LDLRAD4: variants seen among roughly 807,000 people sequenced by gnomAD.
LDLRAD4 encodes low density lipoprotein receptor class A domain containing 4.
LDLRAD4 carries 5 observed loss-of-function variants against 17.0 expected under a neutral mutation model. The observed-to-expected ratio is 0.29, with a 90% CI of 0.15 to 0.62. The LOEUF (loss-of-function observed/expected upper bound fraction) is 0.62. Among genes scored for constraint, LDLRAD4 ranks in the 20% least tolerant of loss-of-function variants. The probability of loss-of-function intolerance (pLI) is 0.84; values close to 1 mark genes in which losing one functional copy is unlikely to be tolerated. For synonymous variants in LDLRAD4, 168 were observed against 171.8 expected (o/e 0.98, Z 0.17); for missense variants, 340 against 424.7 (o/e 0.80, Z 1.75).
intron 3 of LDLRAD4, among the ~76,000 whole-genome samples, chr18:13,451,630 A>C (rs61287701): frequency 2.6e-5 from 4 of 152,034 alleles, no homozygotes; most frequent in Non-Finnish European, 5.9e-5. Context: ...ATAAACAATC[A>C]AAATGTGCAT....
chr18:13,359,489 C>A (rs188803595), intron 1 of LDLRAD4, among the ~76,000 whole-genome samples: 37 of 152,106 alleles, frequency 2.4e-4, no homozygotes, highest in African/African-American at 8.0e-4. Flanking sequence ...TACTTCCGTG[C>A]CTTTACCATT....
chr18:13,551,165 A>T (rs568238024), intron 3 of LDLRAD4, among the ~76,000 whole-genome samples: 1 of 152,280 alleles, frequency 6.6e-6, no homozygotes, highest in Admixed American at 6.5e-5. Flanking sequence ...GGCCACGAGC[A>T]AAATAGTGTC....
intron 4 of LDLRAD4, among the ~76,000 whole-genome samples, chr18:13,642,937 T>G (rs987054183): frequency 2.1e-5 from 3 of 143,230 alleles, no homozygotes. Context: ...TGTTTTTTTT[T>G]TTTCTTCTGT....
intron 1 of LDLRAD4, among the ~76,000 whole-genome samples, chr18:13,264,882 A>T (rs1436720640): frequency 6.6e-6 from 1 of 152,204 alleles, no homozygotes; most frequent in African/African-American, 2.4e-5. Context: ...AACCTGGAGG[A>T]TTCGCAACTG....
intron 1 of LDLRAD4, among the ~76,000 whole-genome samples, chr18:13,376,683 C>G (rs996134813): frequency 6.6e-5 from 10 of 152,176 alleles, no homozygotes; most frequent in African/African-American, 2.4e-4. Flanking sequence ...GAAGACTGCT[C>G]TATCACACGC....
chr18:13,418,364 G>A (rs1003678563), intron 2 of LDLRAD4, among the ~76,000 whole-genome samples: 6 of 152,202 alleles, frequency 3.9e-5, no homozygotes, highest in Non-Finnish European at 7.4e-5. Context: ...GATCTGCCTC[G>A]CCCCTGAGAC....
chr18:13,222,816 A>T (rs185976112), intron 1 of LDLRAD4, among the ~76,000 whole-genome samples: 106 of 152,318 alleles, frequency 7.0e-4, no homozygotes, highest in African/African-American at 2.4e-3. Context: ...TCCTCTGAGC[A>T]GGGAAATCAG....
At chr18:13,302,520 T>C (rs532881201) in intron 1 of LDLRAD4, among the ~76,000 whole-genome samples, 1 of 152,240 alleles carries the variant, frequency 6.6e-6, no homozygotes, top group Non-Finnish European at 1.5e-5. Flanking sequence ...AGGGCTTTGC[T>C]GTTTCAGCCT....
At chr18:13,298,705 A>T (rs2046417057) in intron 1 of LDLRAD4, among the ~76,000 whole-genome samples, 1 of 150,810 alleles carries the variant, frequency 6.6e-6, no homozygotes, top group Admixed American at 6.6e-5. Context: ...GGGCATGGTG[A>T]TGGAGCTGCT....
exon 6 of LDLRAD4, chr18:13,647,794 G>C (rs1360458991): frequency 6.6e-6 from 1 of 152,248 alleles, no homozygotes; most frequent in African/African-American, 2.4e-5. Flanking sequence ...ATACAGTTGA[G>C]AGTCACAGTG....
In LDLRAD4 at chr18:13,485,440, A is replaced by G. The variant is rs991142807; in HGVS notation, c.181+47056A>G. On this transcript the variant is annotated intron_variant, in intron 3 of 5. Coordinates refer to ENST00000359446, the Ensembl canonical transcript of LDLRAD4. The stretch of plus-strand genomic sequence containing the variant: ...CGCCTGCTTCCTGTTGGGCATGATG[A>G]CCCTGTCTGCTCTCCATGTCTGCAG... Among the ~76,000 whole-genome samples the G allele has an allele frequency of 2.0e-5, 3 of 152,120 alleles. No homozygotes were observed. The East Asian group carries it at 5.8e-4, about 29-fold the overall frequency.
intron 2 of LDLRAD4, among the ~76,000 whole-genome samples, chr18:13,389,285 A>G (rs1470963498): frequency 6.8e-6 from 1 of 147,180 alleles, no homozygotes; most frequent in Non-Finnish European, 1.5e-5. Flanking sequence ...CCTCATGGAT[A>G]CTCCTCCCCT....
chr18:13,380,413 C>T lies in LDLRAD4; in HGVS notation c.-382-6928C>T, dbSNP rs1173527553. On this transcript the variant is annotated intron_variant, in intron 1 of 5. Coordinates refer to ENST00000359446, the Ensembl canonical transcript of LDLRAD4. ...CTGGAAGCTTGGGCCAGGATCCAGACACCTGGTTCCAGCCCTGGCTTGCAT... is the reference window on the plus strand; with the variant it reads ...CTGGAAGCTTGGGCCAGGATCCAGATACCTGGTTCCAGCCCTGGCTTGCAT... Among the ~76,000 whole-genome samples, 3 of 152,306 alleles carry T rather than the reference C, an allele frequency of 2.0e-5. No homozygotes were observed. In the East Asian group the frequency reaches 5.8e-4, roughly 29 times the overall value.
At chr18:13,470,143 A>G (rs898478773) in intron 3 of LDLRAD4, among the ~76,000 whole-genome samples, 1 of 152,142 alleles carries the variant, frequency 6.6e-6, no homozygotes, top group African/African-American at 2.4e-5. Flanking sequence ...ACCGTGTGGA[A>G]ATGGTATTCA....
At chr18:13,511,707 GT>G (rs1187135400) in intron 3 of LDLRAD4, among the ~76,000 whole-genome samples, 2 of 152,214 alleles carry the variant, frequency 1.3e-5, no homozygotes, top group Non-Finnish European at 2.9e-5. Flanking sequence ...TGGCCCCTCA[GT>G]AGGAAAGGCG....
chr18:13,303,202 C>T (rs1009726745), intron 1 of LDLRAD4, among the ~76,000 whole-genome samples: 5 of 152,164 alleles, frequency 3.3e-5, no homozygotes, highest in South Asian at 2.1e-4. Flanking sequence ...CCAGATGTCT[C>T]GTCAGATCCG....
chr18:13,369,983 C>T (rs2084339766), intron 1 of LDLRAD4, among the ~76,000 whole-genome samples: 1 of 152,182 alleles, frequency 6.6e-6, no homozygotes. Context: ...GGAGGTTTTG[C>T]GCTCTTGCCA....
At chr18:13,402,835 G>A (rs1599967384) in intron 2 of LDLRAD4, among the ~76,000 whole-genome samples, 1 of 152,186 alleles carries the variant, frequency 6.6e-6, no homozygotes, top group African/African-American at 2.4e-5. Flanking sequence ...TCAGGAACAT[G>A]GGTAAAGGTG....
chr18:13,452,235 A>G (rs1198241098), intron 3 of LDLRAD4, among the ~76,000 whole-genome samples: 4 of 152,184 alleles, frequency 2.6e-5, no homozygotes, highest in Non-Finnish European at 5.9e-5. Flanking sequence ...GAGGGAAGTC[A>G]GAGTGTGCCC....
Sources: gnomAD v4.1 joint callset for allele counts (sites outside exome capture counted in the v4.1 genomes callset) on GRCh38, gnomAD v4.1.1 for gene constraint, MANE v1.5 for transcripts, NCBI Gene and HGNC (gene_info 2026-07-23, HGNC 2026-07-21) for gene names.